ZBTB20: variants seen among roughly 807,000 people sequenced by gnomAD.
ZBTB20 encodes the protein zinc finger and BTB domain containing 20.
A neutral mutation model predicts 56.9 loss-of-function variants in ZBTB20; 9 were observed. That is an observed-to-expected ratio of 0.16 (90% CI 0.10 to 0.28). ZBTB20 has a LOEUF of 0.28. Among genes scored for constraint, ZBTB20 ranks in the 10% least tolerant of loss-of-function variants. ZBTB20 has a pLI of 1.00. For synonymous variants in ZBTB20, 417 were observed against 420.7 expected (o/e 0.99, Z 0.11); for missense variants, 655 against 1,003.0 (o/e 0.65, Z 4.69).
At chr3:114,754,012 G>C (rs2067810016) in intron 5 of ZBTB20, among the ~76,000 whole-genome samples, 1 of 152,132 alleles carries the variant, frequency 6.6e-6, no homozygotes, top group African/African-American at 2.4e-5. Flanking sequence ...CTCTTGTCAT[G>C]TTCCTCAGAC....
intron 8 of ZBTB20, among the ~76,000 whole-genome samples, chr3:114,385,279 G>A (rs1388687132): frequency 6.6e-6 from 1 of 152,090 alleles, no homozygotes; most frequent in Admixed American, 6.5e-5. Context: ...TAGTATCTGG[G>A]CAGGAGAGAA....
chr3:114,599,128 A>G (rs940252413), intron 6 of ZBTB20: 2 of 152,072 alleles, frequency 1.3e-5, no homozygotes, highest in African/African-American at 4.8e-5. Flanking sequence ...TTCATCTGCT[A>G]TTGCCCCCTG....
chr3:115,102,568 T>C (rs913816706), intron 1 of ZBTB20: 6 of 152,062 alleles, frequency 3.9e-5, no homozygotes, highest in Admixed American at 6.6e-5. Context: ...GAAGACGTAT[T>C]TGGTTTCTAC....
chr3:114,964,354 G>T (rs1056242098), intron 3 of ZBTB20, among the ~76,000 whole-genome samples: 2 of 152,140 alleles, frequency 1.3e-5, no homozygotes, highest in Non-Finnish European at 1.5e-5. Flanking sequence ...GGCAGAAGTT[G>T]CAATGAGCCA....
At chr3:114,886,677 G>T (rs1372161697) in intron 4 of ZBTB20, among the ~76,000 whole-genome samples, 1 of 152,138 alleles carries the variant, frequency 6.6e-6, no homozygotes, top group Non-Finnish European at 1.5e-5. Flanking sequence ...GTGACTGTTG[G>T]TTACCTATTC....
At position 115,068,840 on chromosome 3, in the gene ZBTB20, G is replaced by T. The variant is rs575626094; in HGVS notation, c.-507+2379C>A. 1.8e-4 allele frequency among the ~76,000 whole-genome samples: 28 copies of T among 151,550 alleles called. No individual in the cohort carries two copies. The South Asian group carries it at 4.8e-3, about 26-fold the overall frequency. On this transcript the variant is annotated intron_variant, in intron 2 of 11. Transcript: ENST00000675478. ...TTATTTTTTAAAAAATTAGAAAAAT[G>T]CCATGTAAATCACTGTAGATAGTAT...
intron 5 of ZBTB20, among the ~76,000 whole-genome samples, chr3:114,749,258 T>G (rs977916187): frequency 6.6e-6 from 1 of 152,096 alleles, no homozygotes; most frequent in African/African-American, 2.4e-5. Context: ...ACACTTTGTT[T>G]TAAAGAAATT....
At chr3:114,524,591 CT>C (rs2047002260) in intron 6 of ZBTB20, among the ~76,000 whole-genome samples, 1 of 152,148 alleles carries the variant, frequency 6.6e-6, no homozygotes, top group African/African-American at 2.4e-5. Flanking sequence ...CTCTCTCTCA[CT>C]TTCCATCTTT....
chr3:115,092,797 G>A (rs187576790), intron 1 of ZBTB20, among the ~76,000 whole-genome samples: 9 of 152,174 alleles, frequency 5.9e-5, no homozygotes, highest in African/African-American at 9.6e-5. Flanking sequence ...TATGGCATTC[G>A]TTCAATCATT....
chr3:114,984,477 A>C (rs2078454319), intron 2 of ZBTB20, among the ~76,000 whole-genome samples: 1 of 151,920 alleles, frequency 6.6e-6, no homozygotes, highest in Non-Finnish European at 1.5e-5. Context: ...TCTCTGCTCC[A>C]TCAGGATGCA....
chr3:114,588,615 A>T (rs2055423994), intron 6 of ZBTB20, among the ~76,000 whole-genome samples: 1 of 152,044 alleles, frequency 6.6e-6, no homozygotes, highest in African/African-American at 2.4e-5. Context: ...CTACTGAAAA[A>T]TCCCCATGCC....
At chr3:114,943,725 A>G (rs1319942831) in intron 3 of ZBTB20, among the ~76,000 whole-genome samples, 1 of 145,302 alleles carries the variant, frequency 6.9e-6, no homozygotes, top group Non-Finnish European at 1.5e-5. Context: ...TATATAGAAC[A>G]TGGTTAAAAA....
chr3:115,128,596 G>A (rs2084403625), intron 1 of ZBTB20, among the ~76,000 whole-genome samples: 5 of 151,538 alleles, frequency 3.3e-5, no homozygotes, highest in Admixed American at 3.3e-4. Flanking sequence ...CCCAGGAGGC[G>A]GAGGTTGCAG....
intron 3 of ZBTB20, among the ~76,000 whole-genome samples, chr3:114,906,365 A>C (rs1425295267): frequency 6.6e-6 from 1 of 151,796 alleles, no homozygotes; most frequent in East Asian, 1.9e-4. Context: ...GGCAAGGCAG[A>C]AAAACTTCAA....
At chr3:114,449,037 G>A (rs1291427583) in intron 7 of ZBTB20, among the ~76,000 whole-genome samples, 2 of 151,538 alleles carry the variant, frequency 1.3e-5, no homozygotes, top group Non-Finnish European at 2.9e-5. Flanking sequence ...TTTTAAATTG[G>A]GTATTTAAAA....
chr3:114,679,641 C>T (rs770854306), intron 6 of ZBTB20, among the ~76,000 whole-genome samples: 4 of 152,190 alleles, frequency 2.6e-5, no homozygotes, highest in East Asian at 1.9e-4. Context: ...ACAACAGATG[C>T]TGGAAAGGAT....
In ZBTB20 at chr3:114,735,024, CT is replaced by C. The variant is rs113322039; in HGVS notation, c.-342-41450del. ...ACACAGTGGCTCACTGGGAATAGTT[CT>C]TTTTTTTTTTTCCCATCAGCGTTAT... On this transcript the variant is annotated intron_variant, in intron 5 of 11. Coordinates refer to ENST00000675478, the MANE Select transcript of ZBTB20 (RefSeq NM_001348800.3). 2.3e-3 allele frequency among the ~76,000 whole-genome samples: 327 copies of C among 144,300 alleles called. 1 individual carries two copies. The highest frequency in any genetic ancestry group is 4.1e-3 in the African/African-American group (162 of 39,710). The allele number at this position is 144,300 out of a possible 152,430, so 94.7% of individuals were successfully genotyped here.
At chr3:114,696,480 A>G (rs1018641806) in intron 5 of ZBTB20, among the ~76,000 whole-genome samples, 7 of 152,016 alleles carry the variant, frequency 4.6e-5, no homozygotes, top group Admixed American at 4.6e-4. Context: ...ACACACCTGA[A>G]CTTAATTTCT....
At chr3:114,942,056 T>C (rs752009802) in intron 3 of ZBTB20, among the ~76,000 whole-genome samples, 1 of 146,256 alleles carries the variant, frequency 6.8e-6, no homozygotes, top group Non-Finnish European at 1.5e-5. Context: ...TTTTAAATAA[T>C]ACTGACTTCC....
Sources: gnomAD v4.1 joint callset for allele counts (sites outside exome capture counted in the v4.1 genomes callset) on GRCh38, gnomAD v4.1.1 for gene constraint, MANE v1.5 for transcripts, NCBI Gene and HGNC (gene_info 2026-07-23, HGNC 2026-07-21) for gene names.